FGF12: variants seen among roughly 807,000 people sequenced by gnomAD.
The protein encoded by FGF12 is fibroblast growth factor 12B.
A neutral mutation model predicts 23.6 loss-of-function variants in FGF12; 14 were observed. The ratio of observed to expected loss-of-function variants is 0.59; its 90% confidence interval spans 0.39 to 0.93. FGF12 has a LOEUF of 0.93. Ranked by LOEUF, FGF12 falls within the 40% of genes least tolerant of loss-of-function variation. FGF12 has a pLI of 0.00. For missense variants in FGF12, 175 were observed against 217.8 expected, an observed-to-expected ratio of 0.80 and a Z score of 1.24; for synonymous variants, 62 against 77.3, an observed-to-expected ratio of 0.80 and a Z score of 1.04.
chr3:192,546,527 C>T (rs1577046965), intron 2 of FGF12, among the ~76,000 whole-genome samples: 1 of 150,386 alleles, frequency 6.6e-6, no homozygotes, highest in East Asian at 1.9e-4. Flanking sequence ...ATAAAGAATA[C>T]ACCAAAACCA....
intron 2 of FGF12, among the ~76,000 whole-genome samples, chr3:192,451,744 C>T (rs1024027871): frequency 2.6e-5 from 4 of 152,146 alleles, no homozygotes; most frequent in African/African-American, 4.8e-5. Context: ...TGTAGTAATG[C>T]ATAGCTGTAG....
chr3:192,220,615 G>A (rs539194661), intron 4 of FGF12, among the ~76,000 whole-genome samples: 9 of 152,022 alleles, frequency 5.9e-5, no homozygotes, highest in Non-Finnish European at 1.2e-4. Flanking sequence ...GAGATAACAT[G>A]CACACACAGA....
intron 2 of FGF12, among the ~76,000 whole-genome samples, chr3:192,707,083 G>A (rs766510049): frequency 6.6e-6 from 1 of 152,158 alleles, no homozygotes; most frequent in Non-Finnish European, 1.5e-5. Flanking sequence ...TTCAGTTTCC[G>A]CTTTTGAGTT....
chr3:192,198,541 C>T (rs1427731158), intron 4 of FGF12, among the ~76,000 whole-genome samples: 2 of 152,246 alleles, frequency 1.3e-5, no homozygotes, highest in African/African-American at 2.4e-5. Context: ...AGAAGGAAGG[C>T]AGCAAGATAA....
chr3:192,487,385 T>C (rs1373965371), intron 2 of FGF12, among the ~76,000 whole-genome samples: 1 of 152,118 alleles, frequency 6.6e-6, no homozygotes, highest in South Asian at 2.1e-4. Context: ...ACTTTGTCCG[T>C]TGTTTCTCCA....
At chr3:192,541,269 A>G (rs1203151653) in intron 2 of FGF12, among the ~76,000 whole-genome samples, 1 of 152,094 alleles carries the variant, frequency 6.6e-6, no homozygotes, top group Non-Finnish European at 1.5e-5. Flanking sequence ...TTAACGTTTC[A>G]AGTTCTTGAT....
chr3:192,267,120 G>A (rs1027023513), intron 4 of FGF12: 14 of 152,090 alleles, frequency 9.2e-5, no homozygotes, highest in African/African-American at 3.1e-4. Context: ...CTGACAATGC[G>A]AACAACAGAT....
intron 2 of FGF12, among the ~76,000 whole-genome samples, chr3:192,533,770 T>G (rs1413990388): frequency 2.0e-5 from 3 of 152,226 alleles, no homozygotes; most frequent in Non-Finnish European, 4.4e-5. Context: ...GTTGTCTGCA[T>G]GCATATCTCT....
At chr3:192,491,083 T>G (rs1723788654) in intron 2 of FGF12, among the ~76,000 whole-genome samples, 1 of 152,180 alleles carries the variant, frequency 6.6e-6, no homozygotes, top group Admixed American at 6.6e-5. Flanking sequence ...CAAAGAATTA[T>G]CATTAACATA....
At chr3:192,242,704 T>C (rs1328204044) in intron 4 of FGF12, among the ~76,000 whole-genome samples, 3 of 151,938 alleles carry the variant, frequency 2.0e-5, no homozygotes, top group Admixed American at 6.6e-5. Flanking sequence ...CAAAATCCAA[T>C]CATCTCAAAA....
intron 2 of FGF12, among the ~76,000 whole-genome samples, chr3:192,685,271 T>C (rs1305558568): frequency 6.6e-6 from 1 of 152,178 alleles, no homozygotes; most frequent in African/African-American, 2.4e-5. Context: ...CAGGATGGTT[T>C]TGATCTCTTG....
intron 2 of FGF12, among the ~76,000 whole-genome samples, chr3:192,566,640 G>A (rs1024112014): frequency 3.9e-5 from 6 of 152,070 alleles, no homozygotes; most frequent in Admixed American, 6.6e-5. Flanking sequence ...GCCCATCCCA[G>A]TCTTTTAATC....
At chr3:192,479,683 A>G (rs989737143) in intron 2 of FGF12, among the ~76,000 whole-genome samples, 2 of 152,206 alleles carry the variant, frequency 1.3e-5, no homozygotes, top group African/African-American at 4.8e-5. Flanking sequence ...TTACACTCTC[A>G]TGACAATGCT....
At chr3:192,381,775 CT>C (rs763096029) in intron 2 of FGF12, among the ~76,000 whole-genome samples, 48 of 152,120 alleles carry the variant, frequency 3.2e-4, no homozygotes, top group Non-Finnish European at 6.0e-4. Flanking sequence ...TCAGAAACGA[CT>C]TTTTGGTGAA....
rs188576994 is a variant in FGF12, at chr3:192,481,237, C to T, written c.14-120699G>A. 1.1e-3 allele frequency among the ~76,000 whole-genome samples: 163 copies of T among 151,602 alleles called. 1 individual carries two copies. Among genetic ancestry groups the T allele is most frequent in the African/African-American group, 3.8e-3 (155 of 41,294 alleles). On this transcript the variant is annotated intron_variant, in intron 2 of 5. Transcript: ENST00000445105. ...TCAAAATACATTTCATGTAAGGGTACGTTGATATAAAATTTTTAAAGAAAA... is the reference window on the plus strand; with the variant it reads ...TCAAAATACATTTCATGTAAGGGTATGTTGATATAAAATTTTTAAAGAAAA...
At chr3:192,541,820 T>C (rs7609862) in intron 2 of FGF12, among the ~76,000 whole-genome samples, 40,784 of 151,976 alleles carry the variant, frequency 0.27, 5,752 homozygotes, top group Middle Eastern at 0.44. Context: ...CAAGTTTTTC[T>C]CCTTCAGCAC....
Position 192,714,513 on chromosome 3 carries a change from A to ATTTTTTTTTTTTTTTT in FGF12, c.13+12652_13+12667dup, listed in dbSNP as rs770781442. On this transcript the variant is annotated intron_variant, in intron 2 of 5. Coordinates refer to ENST00000445105, the MANE Select transcript of FGF12 (RefSeq NM_004113.6). Reference sequence around the variant, plus strand: ...CTTATTTATAGATCTTAAGGAAATAATTTTTTTTTTTTTTTTTTTTTTTGA... The same window carrying ATTTTTTTTTTTTTTTT: ...CTTATTTATAGATCTTAAGGAAATAATTTTTTTTTTTTTTTTTTTTTTTTTTTTTTTTTTTTTTTGA... Among the ~76,000 whole-genome samples the ATTTTTTTTTTTTTTTT allele has an allele frequency of 7.0e-4, 70 of 99,750 alleles. 6 individuals are homozygous for ATTTTTTTTTTTTTTTT. Among genetic ancestry groups the ATTTTTTTTTTTTTTTT allele is most frequent in the Admixed American group, 2.3e-3 (19 of 8,126 alleles). The allele number at this position is 99,750 out of a possible 152,430, so 65.4% of individuals were successfully genotyped here.
chr3:192,655,920 C>T (rs970552627), intron 2 of FGF12, among the ~76,000 whole-genome samples: 1 of 151,120 alleles, frequency 6.6e-6, no homozygotes, highest in African/African-American at 2.4e-5. Context: ...GTCAGTGAAG[C>T]CATAGGAAAA....
At position 192,584,757 on chromosome 3, in the gene FGF12, T is replaced by C. The variant is rs543468376; in HGVS notation, c.13+142424A>G. On this transcript the variant is annotated intron_variant, in intron 2 of 5. Transcript: ENST00000445105. ...GTGATCAGCTTCTAAGATTTTTTCC[T>C]TTCTCTGCTCTCTCTGCTTGGCTAA... 3.3e-5 allele frequency among the ~76,000 whole-genome samples: 5 copies of C among 152,224 alleles called. No individual in the cohort carries two copies. The East Asian group carries it at 9.7e-4, about 29-fold the overall frequency.
Sources: gnomAD v4.1 joint callset for allele counts (sites outside exome capture counted in the v4.1 genomes callset) on GRCh38, gnomAD v4.1.1 for gene constraint, MANE v1.5 for transcripts, NCBI Gene and HGNC (gene_info 2026-07-23, HGNC 2026-07-21) for gene names.